ENPP1: variants seen among roughly 807,000 people sequenced by gnomAD.
The protein encoded by ENPP1 is ectonucleotide pyrophosphatase/phosphodiesterase 1.
ENPP1 carries 73 observed loss-of-function variants against 122.8 expected under a neutral mutation model. The ratio of observed to expected loss-of-function variants is 0.59; its 90% CI spans 0.49 to 0.72. The LOEUF is 0.72. Ranked by LOEUF, ENPP1 falls within the 30% of genes least tolerant of loss-of-function variation. The pLI, the probability that ENPP1 is intolerant of heterozygous loss-of-function variation, is 0.00. For missense variants in ENPP1, 978 were observed against 1,128.1 expected (o/e 0.87, Z 1.91); for synonymous variants, 367 against 391.6 (o/e 0.94, Z 0.74).
At position 131,808,352 on chromosome 6, in the gene ENPP1, A is replaced by T; in HGVS notation, c.240+77A>T. ...GGCGGCGCCGAGCTCCTGCGCTCTCAGCGCAGTCAGCACCGGGCACCGGAG... is the reference window on the plus strand; with the variant it reads ...GGCGGCGCCGAGCTCCTGCGCTCTCTGCGCAGTCAGCACCGGGCACCGGAG... On this transcript the variant is annotated intron_variant, in intron 1 of 24. Coordinates refer to ENST00000647893, the MANE Select transcript of ENPP1 (RefSeq NM_006208.3). 2.1e-6 allele frequency: 3 copies of T among 1,396,784 alleles called. 1 individual carries two copies. Among genetic ancestry groups the T allele is most frequent in the South Asian group, 3.1e-5 (2 of 64,184 alleles). 86.5% of individuals were successfully genotyped at this position (1,396,784 alleles called of 1,614,324 possible).
intron 22 of ENPP1, 49 bp downstream of exon 22, chr6:131,883,823 A>C: frequency 1.1e-6 from 1 of 927,600 alleles, no homozygotes; most frequent in Non-Finnish European, 1.8e-6. Context: ...ATTTGTGCAC[A>C]TATAGGCATA....
intron 8 of ENPP1, 54 bp downstream of exon 8, chr6:131,860,560 C>T (rs1350391758): frequency 2.9e-6 from 4 of 1,377,020 alleles, no homozygotes; most frequent in Non-Finnish European, 4.1e-6. Flanking sequence ...CTATTTCAAT[C>T]AGAGTAAAAT....
chr6:131,825,939 T>C, intron 1 of ENPP1: 2 of 475,824 alleles, frequency 4.2e-6, no homozygotes, highest in Non-Finnish European at 7.7e-6. Flanking sequence ...CCCTGGAGCA[T>C]ACTTTCAAAA....
At chr6:131,817,308 CAATGTGT>C (rs2114654603) in intron 1 of ENPP1, among the ~76,000 whole-genome samples, 1 of 152,278 alleles carries the variant, frequency 6.6e-6, no homozygotes, top group Non-Finnish European at 1.5e-5. Flanking sequence ...TTCAGTATAA[CAATGTGT>C]AATTAGAACC....
At chr6:131,827,080 G>T in intron 1 of ENPP1, 1 of 643,764 alleles carries the variant, frequency 1.6e-6, no homozygotes. Flanking sequence ...GTCTGCTCCA[G>T]GCTTAGCACC....
At chr6:131,874,488 A>G (rs1562181996) in intron 16 of ENPP1, 151 bp downstream of exon 16, 2 of 602,942 alleles carry the variant, frequency 3.3e-6, no homozygotes, top group Non-Finnish European at 5.8e-6. Flanking sequence ...AACATTAAAG[A>G]ATTTTGTTAA....
intron 1 of ENPP1, among the ~76,000 whole-genome samples, chr6:131,840,014 TA>T: frequency 6.6e-6 from 1 of 152,368 alleles, no homozygotes; most frequent in South Asian, 2.1e-4. Context: ...AACCTTAGTA[TA>T]AACTCCCAGA....
At chr6:131,879,249 G>T (rs1196600936) in intron 19 of ENPP1, among the ~76,000 whole-genome samples, 1 of 152,158 alleles carries the variant, frequency 6.6e-6, no homozygotes, top group Non-Finnish European at 1.5e-5. Flanking sequence ...TGTGGTGAAT[G>T]ATGGCACTTT....
At chr6:131,827,533 A>G (rs1781560016) in intron 1 of ENPP1, 3 of 615,256 alleles carry the variant, frequency 4.9e-6, no homozygotes, top group Non-Finnish European at 8.9e-6. Context: ...TATATCCTGT[A>G]AAAGCCTACA....
intron 11 of ENPP1, among the ~76,000 whole-genome samples, chr6:131,867,431 G>A (rs1433314139): frequency 6.6e-6 from 1 of 152,120 alleles, no homozygotes; most frequent in East Asian, 1.9e-4. Flanking sequence ...AATACATGCA[G>A]TTTGTAAGGA....
intron 11 of ENPP1, among the ~76,000 whole-genome samples, chr6:131,866,808 A>C (rs2114709097): frequency 6.6e-6 from 1 of 152,304 alleles, no homozygotes; most frequent in South Asian, 2.1e-4. Flanking sequence ...AATTGGTCAA[A>C]GGGAAAAGTT....
At chr6:131,844,410 C>G (rs1369149037) in intron 1 of ENPP1, among the ~76,000 whole-genome samples, 1 of 152,204 alleles carries the variant, frequency 6.6e-6, no homozygotes, top group Non-Finnish European at 1.5e-5. Flanking sequence ...GGTCAGTGAC[C>G]AATTGCATCA....
At position 131,809,420 on chromosome 6, in the gene ENPP1, G is replaced by A. The variant is rs1235441979; in HGVS notation, c.240+1145G>A. 4.6e-5 allele frequency among the ~76,000 whole-genome samples: 7 copies of A among 152,120 alleles called. No individual in the cohort carries two copies. In the East Asian group the frequency reaches 1.3e-3, roughly 29 times the overall value. On this transcript the variant is annotated intron_variant, in intron 1 of 24. Coordinates refer to ENST00000647893, the MANE Select transcript of ENPP1 (RefSeq NM_006208.3). ...CTTCCTAGACTTAAGAGATGGTGCC[G>A]TATGCTTAGTACTTAAAAAGAAGCC... is the stretch of plus-strand genomic sequence containing the variant.
intron 1 of ENPP1, among the ~76,000 whole-genome samples, chr6:131,816,698 C>T (rs924337442): frequency 8.5e-5 from 13 of 152,148 alleles, no homozygotes; most frequent in African/African-American, 3.1e-4. Context: ...ATTATTTTTA[C>T]CTTTTTTTAC....
intron 1 of ENPP1, among the ~76,000 whole-genome samples, chr6:131,845,992 T>C (rs1781805763): frequency 6.6e-6 from 1 of 152,192 alleles, no homozygotes; most frequent in Admixed American, 6.5e-5. Context: ...GCAAAAACTC[T>C]TCCTTTCTTT....
chr6:131,808,840 T>G (rs542108094), intron 1 of ENPP1, among the ~76,000 whole-genome samples: 1 of 152,346 alleles, frequency 6.6e-6, no homozygotes, highest in South Asian at 2.1e-4. Flanking sequence ...TGAAGAAACC[T>G]TTATGATTCT....
intron 1 of ENPP1, among the ~76,000 whole-genome samples, chr6:131,845,266 C>T (rs1001356099): frequency 2.6e-5 from 4 of 150,978 alleles, no homozygotes; most frequent in East Asian, 4.0e-4. Context: ...CTCCTGACCT[C>T]GTGATCCACC....
chr6:131,865,032 C>A, intron 11 of ENPP1, 94 bp downstream of exon 11: 1 of 812,530 alleles, frequency 1.2e-6, no homozygotes, highest in South Asian at 1.4e-5. Flanking sequence ...TTATAAGATT[C>A]TATCATTTCT....
At chr6:131,883,092 A>G (rs1338038820) in intron 21 of ENPP1, among the ~76,000 whole-genome samples, 2 of 152,166 alleles carry the variant, frequency 1.3e-5, no homozygotes, top group East Asian at 1.9e-4. Flanking sequence ...GCAAATTTGT[A>G]TGTTGATGAG....
Sources: gnomAD v4.1 joint callset for allele counts (sites outside exome capture counted in the v4.1 genomes callset) on GRCh38, gnomAD v4.1.1 for gene constraint, MANE v1.5 for transcripts, NCBI Gene and HGNC (gene_info 2026-07-23, HGNC 2026-07-21) for gene names.